HNRNPR: variants seen among roughly 807,000 people sequenced by gnomAD.
HNRNPR encodes heterogeneous nuclear ribonucleoprotein R.
In HNRNPR, 4 loss-of-function variants were observed where a neutral mutation model predicts 70.3. The observed-to-expected ratio is 0.06, with a 90% CI of 0.03 to 0.13. HNRNPR has a LOEUF of 0.13. HNRNPR is among the 10% of genes least tolerant of loss of function. The probability of loss-of-function intolerance (pLI) is 1.00; values close to 1 mark genes in which losing one functional copy is unlikely to be tolerated. For missense variants in HNRNPR, 423 were observed against 788.5 expected (o/e 0.54, Z 5.55); for synonymous variants, 241 against 267.6 (o/e 0.90, Z 0.97).
intron 5 of HNRNPR, among the ~76,000 whole-genome samples, chr1:23,331,451 G>A (rs1196125043): frequency 6.6e-6 from 1 of 151,140 alleles, no homozygotes; most frequent in East Asian, 1.9e-4. Flanking sequence ...GGAGGCCGAG[G>A]CAGGCAGATC....
At position 23,307,370 on chromosome 1, in the gene HNRNPR, T is replaced by C. The variant is rs1428479466; in HGVS notation, c.*3084A>G. 1.3e-5 allele frequency: 2 copies of C among 151,988 alleles called. No individual in the cohort carries two copies. The highest frequency in any genetic ancestry group is 2.9e-5 in the Non-Finnish European group (2 of 67,928). 9.4% of individuals were successfully genotyped at this position (151,988 alleles called of 1,614,324 possible). On this transcript the variant is annotated 3_prime_UTR_variant, in exon 11 of 11. Transcript: ENST00000302271. ...AATTTAAAATATATAATTTATTTTT[T>C]TGCATGCTGACCTTTTTAAAAAGAA...
At chr1:23,338,891 G>T (rs1046860309) in intron 2 of HNRNPR, among the ~76,000 whole-genome samples, 3 of 152,054 alleles carry the variant, frequency 2.0e-5, no homozygotes, top group African/African-American at 7.3e-5. Context: ...TCCCCCAAAG[G>T]TATAAGTCTT....
At chr1:23,336,977 T>A (rs1247774552) in intron 4 of HNRNPR, among the ~76,000 whole-genome samples, 1 of 152,226 alleles carries the variant, frequency 6.6e-6, no homozygotes, top group Non-Finnish European at 1.5e-5. Context: ...GTGCTTTATA[T>A]ATGTTAATTC....
chr1:23,341,937 A>T (rs1327665600), intron 1 of HNRNPR, among the ~76,000 whole-genome samples: 1 of 152,206 alleles, frequency 6.6e-6, no homozygotes, highest in Non-Finnish European at 1.5e-5. Context: ...GAGAGAGTAA[A>T]CAATAAACCA....
At chr1:23,313,906 T>A (rs1045819000) in intron 8 of HNRNPR, among the ~76,000 whole-genome samples, 2 of 152,194 alleles carry the variant, frequency 1.3e-5, no homozygotes, top group African/African-American at 4.8e-5. Context: ...TGCCTTCTCC[T>A]ATGTTGTCAT....
intron 8 of HNRNPR, among the ~76,000 whole-genome samples, chr1:23,315,482 AAAAG>A: frequency 6.6e-6 from 1 of 151,968 alleles, no homozygotes; most frequent in East Asian, 1.9e-4. Flanking sequence ...GTGAATAAAC[AAAAG>A]GTAGATCAGT....
At chr1:23,325,577 T>C (rs1416282222) in intron 5 of HNRNPR, among the ~76,000 whole-genome samples, 2 of 152,198 alleles carry the variant, frequency 1.3e-5, no homozygotes, top group African/African-American at 4.8e-5. Flanking sequence ...GGTTTCTTCA[T>C]ATTCTTACCT....
chr1:23,307,782 A>G lies in HNRNPR; in HGVS notation c.*2672T>C, dbSNP rs1327338785. 1.3e-5 allele frequency: 2 copies of G among 152,050 alleles called. No individual in the cohort carries two copies. Among genetic ancestry groups the G allele is most frequent in the South Asian group, 2.1e-4 (1 of 4,828 alleles). 9.4% of individuals were successfully genotyped at this position (152,050 alleles called of 1,614,324 possible). A position where few individuals can be genotyped will look rare whatever the true frequency, so the allele number is the denominator to read the frequency against. ...AAAGAATAGCTCTATACCTCAATATATTTCCCAACACACACTTTACTGTAA... is the reference window on the plus strand; with the variant it reads ...AAAGAATAGCTCTATACCTCAATATGTTTCCCAACACACACTTTACTGTAA... On this transcript the variant is annotated 3_prime_UTR_variant, in exon 11 of 11. Coordinates refer to ENST00000302271, the MANE Select transcript of HNRNPR (RefSeq NM_005826.5).
intron 7 of HNRNPR, among the ~76,000 whole-genome samples, chr1:23,320,438 T>C (rs534630809): frequency 6.6e-6 from 1 of 152,258 alleles, no homozygotes; most frequent in South Asian, 2.1e-4. Context: ...TAGAAGTAGG[T>C]AGGAGTCTAA....
intron 5 of HNRNPR, among the ~76,000 whole-genome samples, chr1:23,332,518 C>T (rs1269046491): frequency 1.3e-5 from 2 of 151,176 alleles, no homozygotes; most frequent in Non-Finnish European, 2.9e-5. Flanking sequence ...GCCTGACCAA[C>T]ATGGTGAAAT....
chr1:23,321,926 T>C (rs977323982), intron 6 of HNRNPR, among the ~76,000 whole-genome samples: 1 of 152,232 alleles, frequency 6.6e-6, no homozygotes, highest in Admixed American at 6.5e-5. Context: ...TTTCATATTT[T>C]AATTTTATCT....
At chr1:23,328,292 C>T (rs1274093643) in intron 5 of HNRNPR, among the ~76,000 whole-genome samples, 1 of 152,114 alleles carries the variant, frequency 6.6e-6, no homozygotes, top group East Asian at 1.9e-4. Flanking sequence ...AGGTACATTT[C>T]AGCGATTGGG....
At chr1:23,337,974 T>G in intron 3 of HNRNPR, 113 bp from the exon 4 acceptor site, 1 of 701,560 alleles carries the variant, frequency 1.4e-6, no homozygotes, top group South Asian at 1.8e-5. Context: ...GATTTACTGA[T>G]TCATTCAACA....
At chr1:23,324,175 T>A in intron 5 of HNRNPR, among the ~76,000 whole-genome samples, 1 of 151,518 alleles carries the variant, frequency 6.6e-6, no homozygotes, top group East Asian at 1.9e-4. Flanking sequence ...AATTAATTTA[T>A]AAATTAAAAA....
chr1:23,335,878 G>A (rs1646454144), intron 4 of HNRNPR, among the ~76,000 whole-genome samples: 1 of 151,860 alleles, frequency 6.6e-6, no homozygotes, highest in Non-Finnish European at 1.5e-5. Context: ...AGCACTTTGG[G>A]AGGCTGAGGC....
intron 8 of HNRNPR, among the ~76,000 whole-genome samples, chr1:23,314,523 AAAAATAGGC>A (rs1402693105): frequency 6.6e-6 from 1 of 152,216 alleles, no homozygotes; most frequent in Admixed American, 6.5e-5. Flanking sequence ...AACTGAATAG[AAAAATAGGC>A]AAAATTCCTG....
chr1:23,340,738 T>C, intron 2 of HNRNPR, 114 bp downstream of exon 2: 1 of 829,426 alleles, frequency 1.2e-6, no homozygotes, highest in Non-Finnish European at 1.8e-6. Context: ...TAACAAACAT[T>C]CAGCTCTACA....
Position 23,331,029 on chromosome 1 carries a change from A to G in HNRNPR, c.498+2489T>C, listed in dbSNP as rs184717184. The stretch of plus-strand genomic sequence containing the variant: ...TACTTGCACAATCTCATGAACTTTA[A>G]CTTTATGAGAGAAATCTGAAACTTT... On this transcript the variant is annotated intron_variant, in intron 5 of 10. Coordinates refer to ENST00000302271, the MANE Select transcript of HNRNPR (RefSeq NM_005826.5). 2.0e-5 allele frequency among the ~76,000 whole-genome samples: 3 copies of G among 152,314 alleles called. No homozygotes were observed. The East Asian group carries it at 5.8e-4, about 29-fold the overall frequency.
At chr1:23,331,422 A>AAAAAT (rs1646219443) in intron 5 of HNRNPR, among the ~76,000 whole-genome samples, 1 of 147,384 alleles carries the variant, frequency 6.8e-6, no homozygotes, top group Non-Finnish European at 1.5e-5. Flanking sequence ...AAAAAAAAAA[A>AAAAAT]TAGCTGGGCT....
Sources: allele counts gnomAD v4.1 joint callset (sites outside exome capture counted in the v4.1 genomes callset), GRCh38; gene constraint gnomAD v4.1.1; transcripts MANE v1.5; gene names NCBI Gene and HGNC (gene_info 2026-07-23, HGNC 2026-07-21).